Variants in FLRT2 observed in about 807,000 individuals in gnomAD.
FLRT2 encodes leucine-rich repeat transmembrane protein FLRT2.
A neutral mutation model predicts 40.0 loss-of-function variants in FLRT2; 15 were observed. That is an observed-to-expected ratio of 0.38 (90% CI 0.25 to 0.58). The LOEUF (loss-of-function observed/expected upper bound fraction) is 0.58. Among genes scored for constraint, FLRT2 ranks in the 20% least tolerant of loss-of-function variants. The pLI, the probability that FLRT2 is intolerant of heterozygous loss-of-function variation, is 0.71. For missense variants in FLRT2, 726 were observed against 840.0 expected (o/e 0.86, Z 1.68); for synonymous variants, 380 against 336.8 (o/e 1.13, Z -1.41).
At position 85,623,468 on chromosome 14, in the gene FLRT2, G is replaced by A; in HGVS notation, c.1954G>A (p.Val652Met). The A allele has an allele frequency of 4.8e-6, 7 of 1,455,076 alleles. No individual in the cohort carries two copies. The highest frequency in any genetic ancestry group is 4.8e-5 in the East Asian group (2 of 41,378). 90.1% of individuals were successfully genotyped at this position (1,455,076 alleles called of 1,614,324 possible). Residue 652 changes from valine to methionine, a missense_variant, in exon 2 of 2, where the codon GTG becomes ATG. Coordinates refer to ENST00000330753, the MANE Select transcript of FLRT2 (RefSeq NM_013231.6). ...PNNMRYCNSS[V>M]PDLEHCHT ...CAACATGCGATACTGCAACAGCAGC[G>A]TGCCAGACCTGGAGCACTGCCATAC...
At chr14:85,582,361 A>G (rs1019987781) in intron 1 of FLRT2, among the ~76,000 whole-genome samples, 1 of 152,174 alleles carries the variant, frequency 6.6e-6, no homozygotes, top group African/African-American at 2.4e-5. Flanking sequence ...AAGAGGTAGA[A>G]ATTACTTGTT....
In FLRT2 at chr14:85,635,917, C is replaced by G. The variant is rs1417689920; in HGVS notation, c.*12420C>G. On this transcript the variant is annotated 3_prime_UTR_variant, in exon 2 of 2. Coordinates refer to ENST00000330753, the MANE Select transcript of FLRT2 (RefSeq NM_013231.6). ...ATCACATCATACACCTGAATGTAAT[C>G]AACATTGCTTTATTAAAGATGTTTA... 6.6e-6 allele frequency: 1 copy of G among 152,054 alleles called. No homozygotes were observed. Among genetic ancestry groups the G allele is most frequent in the Non-Finnish European group, 1.5e-5 (1 of 67,968 alleles). 9.4% of individuals were successfully genotyped at this position (152,054 alleles called of 1,614,324 possible).
rs1196525821 is a variant in FLRT2 at position 85,623,879 on chromosome 14, A to T, written c.*382A>T. On this transcript the variant is annotated 3_prime_UTR_variant, in exon 2 of 2. Coordinates refer to ENST00000330753, the MANE Select transcript of FLRT2 (RefSeq NM_013231.6). ...GAATAAATTCCTGGTGGTCAGATGAAAGGGCAGATTAAATGGACTCATCAG... is the reference window on the plus strand; with the variant it reads ...GAATAAATTCCTGGTGGTCAGATGATAGGGCAGATTAAATGGACTCATCAG... 1 of 183,770 alleles carries T rather than the reference A, an allele frequency of 5.4e-6. No homozygotes were observed. Among genetic ancestry groups the T allele is most frequent in the Non-Finnish European group, 1.3e-5 (1 of 79,752 alleles). The allele number at this position is 183,770 out of a possible 1,614,324, so 11.4% of individuals were successfully genotyped here. A position where few individuals can be genotyped will look rare whatever the true frequency, so the allele number is the denominator to read the frequency against.
intron 1 of FLRT2, among the ~76,000 whole-genome samples, chr14:85,600,559 A>C (rs2139332618): frequency 6.6e-6 from 1 of 152,262 alleles, no homozygotes; most frequent in South Asian, 2.1e-4. Flanking sequence ...GGGGAAAATA[A>C]ACGTGGTCAA....
intron 1 of FLRT2, among the ~76,000 whole-genome samples, chr14:85,606,806 G>A (rs1388520140): frequency 1.3e-5 from 2 of 151,016 alleles, no homozygotes; most frequent in Non-Finnish European, 2.9e-5. Context: ...TACAGCTTGA[G>A]CCACCGCACC....
intron 1 of FLRT2, among the ~76,000 whole-genome samples, chr14:85,604,900 C>T (rs1892538636): frequency 6.6e-6 from 1 of 152,092 alleles, no homozygotes; most frequent in Non-Finnish European, 1.5e-5. Context: ...GTCCTCCCAG[C>T]CTAGTCTGGC....
In FLRT2 at chr14:85,639,244, C is replaced by T. The variant is rs1894086637; in HGVS notation, c.*15747C>T. 6.6e-6 allele frequency: 1 copy of T among 152,188 alleles called. No individual in the cohort carries two copies. The highest frequency in any genetic ancestry group is 2.1e-4 in the South Asian group (1 of 4,828). The allele number at this position is 152,188 out of a possible 1,614,324, so 9.4% of individuals were successfully genotyped here. On this transcript the variant is annotated 3_prime_UTR_variant, in exon 2 of 2. Transcript: ENST00000330753. ...ATTCACTGTTGCCCTGTTTCCTTTT[C>T]CTTGACAAATTCAGTTAACCGGATG...
At chr14:85,606,740 G>T (rs1489349745) in intron 1 of FLRT2, among the ~76,000 whole-genome samples, 4 of 150,624 alleles carry the variant, frequency 2.7e-5, no homozygotes, top group Non-Finnish European at 5.9e-5. Flanking sequence ...GGTCAGGATG[G>T]TCTCCATCTC....
chr14:85,571,132 G>A (rs1352585918), intron 1 of FLRT2, among the ~76,000 whole-genome samples: 1 of 152,074 alleles, frequency 6.6e-6, no homozygotes, highest in African/African-American at 2.4e-5. Flanking sequence ...AGACTGAGAT[G>A]GTTTCAATGG....
At chr14:85,589,692 T>C (rs1435956931) in intron 1 of FLRT2, among the ~76,000 whole-genome samples, 4 of 152,208 alleles carry the variant, frequency 2.6e-5, no homozygotes, top group Non-Finnish European at 5.9e-5. Flanking sequence ...CCCATACCAA[T>C]GTCCTGGAGA....
chr14:85,606,521 CTTTTTT>C (rs532159794), intron 1 of FLRT2, among the ~76,000 whole-genome samples: 5 of 99,982 alleles, frequency 5.0e-5, no homozygotes, highest in Admixed American at 2.2e-4. Flanking sequence ...AGCTGTTACT[CTTTTTT>C]TTTTTTTTTT....
intron 1 of FLRT2, among the ~76,000 whole-genome samples, chr14:85,594,116 C>T (rs1354090801): frequency 2.0e-5 from 3 of 152,080 alleles, no homozygotes; most frequent in African/African-American, 4.8e-5. Flanking sequence ...ATTGTGGATC[C>T]CATCATATGT....
intron 1 of FLRT2, among the ~76,000 whole-genome samples, chr14:85,597,168 AT>A (rs1892178011): frequency 6.6e-6 from 1 of 152,184 alleles, no homozygotes; most frequent in African/African-American, 2.4e-5. Flanking sequence ...GAAAAAGTCA[AT>A]TAAAATATAA....
rs1038138606 is a variant in FLRT2 at position 85,619,389 on chromosome 14, C to G, written c.-376-1750C>G. 1.1e-4 allele frequency among the ~76,000 whole-genome samples: 16 copies of G among 152,142 alleles called. No individual in the cohort carries two copies. In the South Asian group the frequency reaches 1.5e-3, roughly 14 times the overall value. On this transcript the variant is annotated intron_variant, in intron 1 of 1. Coordinates refer to ENST00000330753, the MANE Select transcript of FLRT2 (RefSeq NM_013231.6). Reference sequence around the variant, plus strand: ...TGTAAGCCACCACATGAAATCAAGCCCGGCCATGCTTGATTTTTAATAAAG... The same window carrying G: ...TGTAAGCCACCACATGAAATCAAGCGCGGCCATGCTTGATTTTTAATAAAG...
chr14:85,562,620 C>CTTTTTGTT lies in FLRT2; in HGVS notation c.-377+32091_-377+32092insGTTTTTTT, dbSNP rs1555366329. 203 of 115,518 alleles carry CTTTTTGTT rather than the reference C, an allele frequency of 1.8e-3. 5 individuals carry two copies. The highest frequency in any genetic ancestry group is 7.6e-4 in the Non-Finnish European group (44 of 58,036). 7.2% of individuals were successfully genotyped at this position (115,518 alleles called of 1,614,324 possible). A position where few individuals can be genotyped will look rare whatever the true frequency, so the allele number is the denominator to read the frequency against. ...CCTCCTAACCCACCTTTCTTTCTTT[C>CTTTTTGTT]TTTTTTTTTTTTTTGAATCTAGACT... On this transcript the variant is annotated intron_variant, in intron 1 of 1. Transcript: ENST00000330753.
rs1894266602 is a variant in FLRT2, at chr14:85,645,223, TATATATGTATATAC to T, written c.*21738_*21751del. 2.0e-5 allele frequency: 3 copies of T among 150,486 alleles called. No homozygotes were observed. The allele number at this position is 150,486 out of a possible 1,614,324, so 9.3% of individuals were successfully genotyped here. A position where few individuals can be genotyped will look rare whatever the true frequency, so the allele number is the denominator to read the frequency against. ...ACATATGTATATATGTACACATGTG[TATATATGTATATAC>T]ATATATGTATACATGTGTATATATG... is the stretch of plus-strand genomic sequence containing the variant. On this transcript the variant is annotated 3_prime_UTR_variant, in exon 2 of 2. Coordinates refer to ENST00000330753, the MANE Select transcript of FLRT2 (RefSeq NM_013231.6).
chr14:85,548,722 A>G (rs1347174776), intron 1 of FLRT2, among the ~76,000 whole-genome samples: 1 of 123,530 alleles, frequency 8.1e-6, no homozygotes, highest in African/African-American at 2.7e-5. Flanking sequence ...TACAAACAGG[A>G]AGCAGGGAAA....
At position 85,647,221 on chromosome 14, in the gene FLRT2, T is replaced by C. The variant is rs1417629991; in HGVS notation, c.*23724T>C. On this transcript the variant is annotated 3_prime_UTR_variant, in exon 2 of 2. Coordinates refer to ENST00000330753, the MANE Select transcript of FLRT2 (RefSeq NM_013231.6). ...GGCATATTTTGGTCTTTCCTTTCTA[T>C]CTATGTTTAGTATGCACAAGACATA... The C allele has an allele frequency of 6.6e-6, 1 of 152,140 alleles. No individual in the cohort carries two copies. Among genetic ancestry groups the C allele is most frequent in the Non-Finnish European group, 1.5e-5 (1 of 68,030 alleles). The allele number at this position is 152,140 out of a possible 1,614,324, so 9.4% of individuals were successfully genotyped here.
chr14:85,578,870 C>A (rs1891254506), intron 1 of FLRT2, among the ~76,000 whole-genome samples: 1 of 152,090 alleles, frequency 6.6e-6, no homozygotes, highest in African/African-American at 2.4e-5. Context: ...GATGGCCATC[C>A]CTGCTCCTCA....
Sources: gnomAD v4.1 joint callset for allele counts (sites outside exome capture counted in the v4.1 genomes callset) on GRCh38, gnomAD v4.1.1 for gene constraint, MANE v1.5 for transcripts, NCBI Gene and HGNC (gene_info 2026-07-23, HGNC 2026-07-21) for gene names.